SETBP1: variants seen among roughly 807,000 people sequenced by gnomAD.
The protein encoded by SETBP1 is SET binding protein 1.
Under a neutral mutation model 101.0 loss-of-function variants are expected in SETBP1, and 9 were observed. That is an observed-to-expected ratio of 0.09 (90% confidence interval 0.05 to 0.16). The LOEUF (loss-of-function observed/expected upper bound fraction) is 0.16, where lower values mean the gene tolerates loss of function less well. Ranked by LOEUF, SETBP1 falls within the 10% of genes least tolerant of loss-of-function variation. The pLI is 1.00. For missense variants in SETBP1, 1,858 were observed against 2,033.8 expected (o/e 0.91, Z 1.66); for synonymous variants, 818 against 788.5 (o/e 1.04, Z -0.63).
chr18:44,772,085 C>G (rs990661258), intron 2 of SETBP1, among the ~76,000 whole-genome samples: 7 of 152,150 alleles, frequency 4.6e-5, no homozygotes, highest in African/African-American at 1.7e-4. Context: ...TTTATGCTTC[C>G]TCTTTCCCCA....
At chr18:44,914,872 C>T (rs1446208429) in intron 3 of SETBP1, among the ~76,000 whole-genome samples, 2 of 152,102 alleles carry the variant, frequency 1.3e-5, no homozygotes, top group Non-Finnish European at 2.9e-5. Context: ...CCCAAGCCAA[C>T]GTCCTGAGGA....
intron 3 of SETBP1, chr18:44,877,177 G>A (rs1217474149): frequency 1.7e-5 from 16 of 918,988 alleles, no homozygotes; most frequent in Non-Finnish European, 2.1e-5. Context: ...AGTGTGTGTC[G>A]CTGGTCCACC....
intron 2 of SETBP1, among the ~76,000 whole-genome samples, chr18:44,818,676 TGATACTTATCTTCACAAAAGA>T (rs2072036079): frequency 6.6e-6 from 1 of 152,110 alleles, no homozygotes; most frequent in African/African-American, 2.4e-5. Context: ...CTACTATTTG[TGATACTTATCTTCACAAAAGA>T]GTTTATAAAA....
intron 2 of SETBP1, among the ~76,000 whole-genome samples, chr18:44,781,507 C>T (rs11876680): frequency 6.7e-6 from 1 of 148,896 alleles, no homozygotes; most frequent in Non-Finnish European, 1.5e-5. Context: ...CTCTCCCCCC[C>T]ACCCCCACCT....
intron 4 of SETBP1, among the ~76,000 whole-genome samples, chr18:45,031,188 G>C (rs4309491): frequency 0.45 from 68,791 of 151,786 alleles, 15,681 homozygotes; most frequent in Middle Eastern, 0.5. Flanking sequence ...TCTCTTCTGC[G>C]TTCTTTCATT....
intron 2 of SETBP1, among the ~76,000 whole-genome samples, chr18:44,867,735 T>TG (rs150820275): frequency 7.0e-6 from 1 of 142,942 alleles, no homozygotes; most frequent in Non-Finnish European, 1.5e-5. Context: ...GGATGGGGAA[T>TG]GGGGGGGTGG....
chr18:44,735,850 A>G (rs2069953249), intron 2 of SETBP1, among the ~76,000 whole-genome samples: 1 of 152,206 alleles, frequency 6.6e-6, no homozygotes, highest in Non-Finnish European at 1.5e-5. Flanking sequence ...CTCATCAGAA[A>G]GATGCTCCAG....
intron 3 of SETBP1, among the ~76,000 whole-genome samples, chr18:44,932,613 T>C (rs2070863263): frequency 6.6e-6 from 1 of 152,220 alleles, no homozygotes; most frequent in African/African-American, 2.4e-5. Flanking sequence ...CATAGTCCCA[T>C]ATTTCTTGGA....
At chr18:44,926,463 G>A (rs1204882528) in intron 3 of SETBP1, among the ~76,000 whole-genome samples, 1 of 152,214 alleles carries the variant, frequency 6.6e-6, no homozygotes. Flanking sequence ...CCTGACTGGG[G>A]ATGCAGTGTC....
At chr18:44,984,386 A>C (rs2072183251) in intron 4 of SETBP1, among the ~76,000 whole-genome samples, 1 of 152,124 alleles carries the variant, frequency 6.6e-6, no homozygotes, top group South Asian at 2.1e-4. Flanking sequence ...GGAATATGCA[A>C]GCTAGATCCC....
Position 44,844,353 on chromosome 18 carries a change from G to GCGCACACA in SETBP1, c.487-24876_487-24875insGCACACAC, listed in dbSNP as rs1406482456. Among the ~76,000 whole-genome samples the GCGCACACA allele has an allele frequency of 3.8e-3, 523 of 138,294 alleles. 4 individuals are homozygous for GCGCACACA. The highest frequency in any genetic ancestry group is 0.014 in the African/African-American group (499 of 35,946). The allele number at this position is 138,294 out of a possible 152,430, so 90.7% of individuals were successfully genotyped here. On this transcript the variant is annotated intron_variant, in intron 2 of 5. Coordinates refer to ENST00000649279, the MANE Select transcript of SETBP1 (RefSeq NM_015559.3). ...CACACACACACGTGCACACACGCGC[G>GCGCACACA]CACACACACACACACACACTATTAA...
chr18:44,733,154 G>A (rs557988117), intron 2 of SETBP1: 8 of 152,236 alleles, frequency 5.3e-5, no homozygotes, highest in African/African-American at 1.7e-4. Flanking sequence ...ACCAGAGAGG[G>A]GCATGTGGTC....
At chr18:44,760,384 G>A (rs2070611257) in intron 2 of SETBP1, among the ~76,000 whole-genome samples, 1 of 152,176 alleles carries the variant, frequency 6.6e-6, no homozygotes, top group Admixed American at 6.5e-5. Flanking sequence ...GCCAGGACCT[G>A]TTTAGAAGCC....
In SETBP1 at chr18:45,038,665, T is replaced by C. The variant is rs904757606; in HGVS notation, c.4171+10T>C. ...GCAACGTCGGATGCAGGTGAGCACT[T>C]TTCAGATGCTTTGGGTTCACCCCAA... On this transcript the variant is annotated intron_variant, in intron 5 of 5. Transcript: ENST00000649279. 1.9e-6 allele frequency: 3 copies of C among 1,613,680 alleles called. No homozygotes were observed. The highest frequency in any genetic ancestry group is 1.1e-5 in the South Asian group (1 of 91,056).
chr18:44,747,422 T>A (rs542152992), intron 2 of SETBP1, among the ~76,000 whole-genome samples: 147 of 152,222 alleles, frequency 9.7e-4, no homozygotes, highest in East Asian at 2.5e-3. Flanking sequence ...AAAAAAAAAA[T>A]TCTCCTTTTA....
intron 2 of SETBP1, among the ~76,000 whole-genome samples, chr18:44,735,612 G>A (rs944366331): frequency 2.6e-5 from 4 of 152,178 alleles, no homozygotes; most frequent in Non-Finnish European, 5.9e-5. Flanking sequence ...TATGATAGGT[G>A]CTCCAGGGCA....
At chr18:44,682,075 A>T (rs2068768725) in intron 1 of SETBP1, among the ~76,000 whole-genome samples, 1 of 151,192 alleles carries the variant, frequency 6.6e-6, no homozygotes, top group Admixed American at 6.6e-5. Flanking sequence ...TTCACTCTTC[A>T]TCCTGTTTTT....
chr18:44,788,012 T>TTC (rs2071282472), intron 2 of SETBP1, among the ~76,000 whole-genome samples: 3 of 151,598 alleles, frequency 2.0e-5, no homozygotes, highest in African/African-American at 7.3e-5. Flanking sequence ...GTTTTTTTTT[T>TTC]TTCTTCACAA....
intron 2 of SETBP1, among the ~76,000 whole-genome samples, chr18:44,830,802 G>C (rs895219043): frequency 9.9e-5 from 15 of 152,280 alleles, no homozygotes; most frequent in African/African-American, 3.4e-4. Context: ...ATACTATTTG[G>C]GGGAGGGGAG....
Sources: allele counts gnomAD v4.1 joint callset (sites outside exome capture counted in the v4.1 genomes callset), GRCh38; gene constraint gnomAD v4.1.1; transcripts MANE v1.5; gene names NCBI Gene and HGNC (gene_info 2026-07-23, HGNC 2026-07-21).